The following DOCK9 variants were observed in gnomAD, a reference collection of about 807,000 sequenced individuals.
DOCK9 encodes the protein dedicator of cytokinesis protein 9.
DOCK9 carries 89 observed loss-of-function variants against 263.3 expected under a neutral mutation model. That is an observed-to-expected ratio of 0.34 (90% CI 0.28 to 0.40). DOCK9 has a LOEUF of 0.40. DOCK9 is among the 10% of genes least tolerant of loss of function. The probability of loss-of-function intolerance (pLI) is 1.00; values close to 1 mark genes in which losing one functional copy is unlikely to be tolerated. For missense variants in DOCK9, 2,140 were observed against 2,603.4 expected (o/e 0.82, Z 3.87); for synonymous variants, 976 against 973.1 (o/e 1.00, Z -0.06).
chr13:98,992,219 T>C (rs983685614), intron 1 of DOCK9, among the ~76,000 whole-genome samples: 1 of 151,838 alleles, frequency 6.6e-6, no homozygotes, highest in Non-Finnish European at 1.5e-5. Context: ...ATTTGAATGG[T>C]GTCTAAAAGG....
intron 6 of DOCK9, 47 bp from the exon 7 acceptor site, chr13:98,921,135 T>C (rs1342958433): frequency 6.5e-7 from 1 of 1,549,504 alleles, no homozygotes; most frequent in Non-Finnish European, 8.7e-7. Context: ...ATGAAGAGGG[T>C]CACAATCTCT....
In DOCK9 at chr13:98,794,872, G is replaced by T. The variant is rs570854567; in HGVS notation, c.6157-124C>A. The T allele has an allele frequency of 2.2e-5, 22 of 1,015,836 alleles. No individual in the cohort carries two copies. The Admixed American group carries it at 4.7e-4, about 22-fold the overall frequency. The allele number at this position is 1,015,836 out of a possible 1,614,324, so 62.9% of individuals were successfully genotyped here. On this transcript the variant is annotated intron_variant, in intron 52 of 52. Coordinates refer to ENST00000682017, the MANE Select transcript of DOCK9 (RefSeq NM_001366683.2). ...ATGTTACAGAGTTTAAGGCAATGTT[G>T]CCACGTGCAACACAATGTTACTGAG... is the stretch of plus-strand genomic sequence containing the variant.
chr13:99,083,835 C>CT (rs1349652572), intron 1 of DOCK9, among the ~76,000 whole-genome samples: 2 of 152,212 alleles, frequency 1.3e-5, no homozygotes, highest in Non-Finnish European at 2.9e-5. Flanking sequence ...TGACCATCCA[C>CT]TCATCAATAC....
intron 1 of DOCK9, chr13:99,086,079 G>C: frequency 8.0e-7 from 1 of 1,255,892 alleles, no homozygotes; most frequent in Non-Finnish European, 1.0e-6. Flanking sequence ...ACTCCCTCCC[G>C]CCGGCCCCAC....
intron 1 of DOCK9, among the ~76,000 whole-genome samples, chr13:99,078,850 A>G (rs2042014119): frequency 1.3e-5 from 2 of 152,250 alleles, no homozygotes; most frequent in Non-Finnish European, 2.9e-5. Context: ...TAAAAGTAAT[A>G]CATGTCAACT....
intron 45 of DOCK9, among the ~76,000 whole-genome samples, chr13:98,813,014 T>C (rs185471669): frequency 6.6e-6 from 1 of 152,368 alleles, no homozygotes; most frequent in East Asian, 1.9e-4. Flanking sequence ...CTTATTTGTT[T>C]CTAAAAATTA....
intron 1 of DOCK9, among the ~76,000 whole-genome samples, chr13:98,963,294 T>A (rs1014901278): frequency 6.6e-6 from 1 of 152,090 alleles, no homozygotes; most frequent in Non-Finnish European, 1.5e-5. Flanking sequence ...CCCAACATCA[T>A]GCAAATTGAA....
intron 1 of DOCK9, among the ~76,000 whole-genome samples, chr13:99,060,841 G>T (rs1228733430): frequency 2.0e-5 from 3 of 152,204 alleles, no homozygotes; most frequent in Non-Finnish European, 4.4e-5. Context: ...GTCAGGGGCT[G>T]AGTCTGTCCC....
At chr13:99,000,233 C>T (rs1232748413) in intron 1 of DOCK9, among the ~76,000 whole-genome samples, 1 of 152,168 alleles carries the variant, frequency 6.6e-6, no homozygotes, top group East Asian at 1.9e-4. Flanking sequence ...TCTTCTCCTG[C>T]CCTGATGTGT....
chr13:98,882,956 G>A (rs2045057086), intron 23 of DOCK9, 86 bp downstream of exon 23: 3 of 1,101,472 alleles, frequency 2.7e-6, no homozygotes, highest in Non-Finnish European at 3.9e-6. Flanking sequence ...GCTTCCAAGG[G>A]GTGAGAACAC....
chr13:99,040,413 T>C (rs544065598), intron 1 of DOCK9, among the ~76,000 whole-genome samples: 1 of 151,932 alleles, frequency 6.6e-6, no homozygotes, highest in Admixed American at 6.5e-5. Context: ...CAAAAGGAAA[T>C]TGAAAAGAAA....
intron 21 of DOCK9, 148 bp from the exon 22 acceptor site, chr13:98,884,047 G>A: frequency 1.7e-6 from 1 of 593,958 alleles, no homozygotes; most frequent in Non-Finnish European, 2.9e-6. Context: ...TGGCAGGAAT[G>A]CAGCTGATAC....
chr13:98,921,971 A>C (rs1034072195), intron 6 of DOCK9, 80 bp downstream of exon 6: 11 of 1,199,114 alleles, frequency 9.2e-6, no homozygotes, highest in Non-Finnish European at 1.3e-5. Context: ...CAGCATGCGC[A>C]TTCATCTTGA....
At chr13:98,940,790 C>T (rs2055703584) in intron 2 of DOCK9, among the ~76,000 whole-genome samples, 1 of 152,048 alleles carries the variant, frequency 6.6e-6, no homozygotes, top group Non-Finnish European at 1.5e-5. Context: ...TCAAAGTACC[C>T]ACAGCGATGC....
chr13:98,978,171 T>C (rs758731337), upstream of DOCK9: 123 of 1,216,638 alleles, frequency 1.0e-4, no homozygotes, highest in Non-Finnish European at 1.2e-4. Flanking sequence ...AACTCCAAGC[T>C]GAACAATACA....
intron 2 of DOCK9, among the ~76,000 whole-genome samples, chr13:98,946,529 T>C (rs2056740396): frequency 6.6e-6 from 1 of 152,130 alleles, no homozygotes; most frequent in Admixed American, 6.5e-5. Context: ...GAGCTGGCAG[T>C]ATTTCTCCTT....
chr13:99,027,085 T>C (rs942269543), intron 1 of DOCK9, among the ~76,000 whole-genome samples: 1 of 152,120 alleles, frequency 6.6e-6, no homozygotes, highest in Non-Finnish European at 1.5e-5. Flanking sequence ...AGTGCCACAA[T>C]CTCGGCTCAC....
chr13:98,887,126 TA>T (rs1244508551), intron 18 of DOCK9, among the ~76,000 whole-genome samples: 1 of 75,900 alleles, frequency 1.3e-5, no homozygotes, highest in Non-Finnish European at 2.4e-5. Flanking sequence ...TACTATATTT[TA>T]TATATATATA....
upstream of DOCK9, chr13:99,087,830 T>G (rs530273837): frequency 3.3e-5 from 5 of 152,366 alleles, no homozygotes; most frequent in Admixed American, 2.6e-4. Flanking sequence ...CGATGGACAG[T>G]TCCTTACCTG....
Sources: gnomAD v4.1 joint callset for allele counts (sites outside exome capture counted in the v4.1 genomes callset) on GRCh38, gnomAD v4.1.1 for gene constraint, MANE v1.5 for transcripts, NCBI Gene and HGNC (gene_info 2026-07-23, HGNC 2026-07-21) for gene names.